The following AK5 variants were observed in gnomAD, a reference collection of about 807,000 sequenced individuals.
AK5 encodes the protein adenylate kinase 5, also known as adenylate kinase isoenzyme 5.
Under a neutral mutation model 69.5 loss-of-function variants are expected in AK5, and 27 were observed. The ratio of observed to expected loss-of-function variants is 0.39; its 90% CI spans 0.29 to 0.54. The LOEUF (loss-of-function observed/expected upper bound fraction) is 0.54. Among genes scored for constraint, AK5 ranks in the 20% least tolerant of loss-of-function variants. AK5 has a pLI of 0.71. For synonymous variants in AK5, 260 were observed against 244.4 expected, an observed-to-expected ratio of 1.06 and a Z score of -0.60; for missense variants, 531 against 700.4, an observed-to-expected ratio of 0.76 and a Z score of 2.73.
intron 8 of AK5, among the ~76,000 whole-genome samples, chr1:77,441,842 G>A (rs1652347573): frequency 6.6e-6 from 1 of 152,078 alleles, no homozygotes; most frequent in African/African-American, 2.4e-5. Context: ...CAAACCTATT[G>A]TGACACTTGG....
At chr1:77,314,825 T>G (rs1020455188) in intron 5 of AK5, 1 of 152,148 alleles carries the variant, frequency 6.6e-6, no homozygotes, top group African/African-American at 2.4e-5. Context: ...CGAACACCTG[T>G]AAGGTCCATA....
At chr1:77,557,946 CCA>C (rs539667276) in intron 13 of AK5, among the ~76,000 whole-genome samples, 402 of 150,730 alleles carry the variant, frequency 2.7e-3, no homozygotes, top group Non-Finnish European at 4.4e-3. Context: ...AAACCTGCCT[CCA>C]GTTTTGACTT....
chr1:77,331,148 A>G (rs1661066895), intron 5 of AK5, among the ~76,000 whole-genome samples: 1 of 152,072 alleles, frequency 6.6e-6, no homozygotes, highest in Non-Finnish European at 1.5e-5. Flanking sequence ...TATATATACA[A>G]TCATATCATA....
intron 7 of AK5, among the ~76,000 whole-genome samples, chr1:77,415,307 G>A (rs566159744): frequency 7.2e-5 from 11 of 152,184 alleles, no homozygotes; most frequent in African/African-American, 1.9e-4. Context: ...TGAAAACAAC[G>A]GAAAGAACAC....
intron 5 of AK5, chr1:77,313,738 A>G (rs1660087171): frequency 4.1e-6 from 2 of 488,944 alleles, no homozygotes; most frequent in Middle Eastern, 3.2e-4. Flanking sequence ...CTGTGGTACC[A>G]TGGCAGCTGC....
chr1:77,364,704 A>T (rs755504869), intron 6 of AK5, among the ~76,000 whole-genome samples: 1 of 152,138 alleles, frequency 6.6e-6, no homozygotes, highest in Non-Finnish European at 1.5e-5. Flanking sequence ...ACAGGATTTC[A>T]TTATTTTTTG....
intron 6 of AK5, among the ~76,000 whole-genome samples, chr1:77,351,021 C>G (rs972155558): frequency 6.6e-6 from 1 of 152,158 alleles, no homozygotes; most frequent in African/African-American, 2.4e-5. Flanking sequence ...CATCTTGCAG[C>G]AGTGAGGACA....
Position 77,322,103 on chromosome 1 carries a change from A to G in AK5, c.700-18274A>G, listed in dbSNP as rs184136276. 2.0e-5 allele frequency among the ~76,000 whole-genome samples: 3 copies of G among 152,326 alleles called. No individual in the cohort carries two copies. In the East Asian group the frequency reaches 5.8e-4, roughly 29 times the overall value. ...AGAAGAATAATATCTTTATTTTTAA[A>G]ATAGCATTGTTTGAATACATAGTCA... On this transcript the variant is annotated intron_variant, in intron 5 of 13. Transcript: ENST00000354567.
chr1:77,351,849 C>A (rs1662225437), intron 6 of AK5, among the ~76,000 whole-genome samples: 1 of 151,892 alleles, frequency 6.6e-6, no homozygotes, highest in Non-Finnish European at 1.5e-5. Context: ...GTGAGCCAAC[C>A]TACAATAACC....
chr1:77,558,831 G>C lies in AK5; in HGVS notation c.*161G>C. 1.6e-6 allele frequency: 1 copy of C among 610,402 alleles called. No individual in the cohort carries two copies. Among genetic ancestry groups the C allele is most frequent in the Non-Finnish European group, 3.0e-6 (1 of 333,430 alleles). 37.8% of individuals were successfully genotyped at this position (610,402 alleles called of 1,614,324 possible). On this transcript the variant is annotated 3_prime_UTR_variant, in exon 14 of 14. Coordinates refer to ENST00000354567, the MANE Select transcript of AK5 (RefSeq NM_174858.3). ...TTGCTTCCCAGCTAGACCTGTGTGA[G>C]AGGTGTCTGGAAATCATGCATGGTG...
chr1:77,333,786 G>C (rs2100361046), intron 5 of AK5, among the ~76,000 whole-genome samples: 1 of 152,282 alleles, frequency 6.6e-6, no homozygotes, highest in East Asian at 1.9e-4. Flanking sequence ...TTTACAGAAA[G>C]AGTTTACCCA....
Position 77,417,661 on chromosome 1 carries a change from G to C in AK5, c.1005G>C (p.Ser335=). 3.7e-6 allele frequency: 6 copies of C among 1,609,300 alleles called. No individual in the cohort carries two copies. Among genetic ancestry groups the C allele is most frequent in the Non-Finnish European group, 5.1e-6 (6 of 1,176,622 alleles). ...AAAGSSDLDP[S]MILDTGEIID... The stretch of plus-strand genomic sequence containing the variant: ...TAGGTTCAAGTGACCTTGATCCTTC[G>C]ATGATATTGGACACTGGAGAGATCA... The change falls in exon 8 of 14, where the codon TCG becomes TCC. Residue 335 remains serine, a synonymous_variant. Transcript: ENST00000354567.
chr1:77,349,830 G>C (rs993647022), intron 6 of AK5, among the ~76,000 whole-genome samples: 13 of 152,022 alleles, frequency 8.6e-5, no homozygotes, highest in African/African-American at 3.1e-4. Context: ...CCTACAAATC[G>C]AACGTAAAAC....
chr1:77,423,160 A>C (rs189915590), intron 8 of AK5, among the ~76,000 whole-genome samples: 1 of 147,106 alleles, frequency 6.8e-6, no homozygotes, highest in African/African-American at 2.5e-5. Context: ...GGTGGAGCTT[A>C]CAGTGGGCCA....
At chr1:77,490,709 G>A (rs1350647713) in intron 10 of AK5, among the ~76,000 whole-genome samples, 1 of 151,406 alleles carries the variant, frequency 6.6e-6, no homozygotes, top group Non-Finnish European at 1.5e-5. Flanking sequence ...GCCTTTAAAG[G>A]GCCTCATTAT....
In AK5 at chr1:77,297,485, TGAA is replaced by T. The variant is rs1050146231; in HGVS notation, c.416-72_416-70del. On this transcript the variant is annotated intron_variant, in intron 3 of 13. Coordinates refer to ENST00000354567, the MANE Select transcript of AK5 (RefSeq NM_174858.3). ...GGTGACACAGAATTTGCATCCCAGATGAAGTAGTAGTTGTATAAAAGGGAGGTC... is the reference window on the plus strand; with the variant it reads ...GGTGACACAGAATTTGCATCCCAGATGTAGTAGTTGTATAAAAGGGAGGTC... The T allele has an allele frequency of 5.8e-6, 8 of 1,371,934 alleles. No individual in the cohort carries two copies. The African/African-American group carries it at 1.2e-4, about 20-fold the overall frequency. 85.0% of individuals were successfully genotyped at this position (1,371,934 alleles called of 1,614,324 possible).
intron 6 of AK5, among the ~76,000 whole-genome samples, chr1:77,358,018 T>TGTGTGTGTGTGTGTGAGAGAGAGA (rs762714026): frequency 7.0e-5 from 9 of 128,176 alleles, no homozygotes; most frequent in South Asian, 5.7e-4. Context: ...TGTGTGTGTG[T>TGTGTGTGTGTGTGTGAGAGAGAGA]GAGAGAGAGA....
chr1:77,340,673 T>G, intron 6 of AK5, 105 bp downstream of exon 6: 1 of 1,041,426 alleles, frequency 9.6e-7, no homozygotes, highest in Non-Finnish European at 1.4e-6. Context: ...AAAAGTGGCT[T>G]TTGGGGGGTA....
intron 8 of AK5, among the ~76,000 whole-genome samples, chr1:77,457,413 CTCTACCTAAATTTTCTCTCATTT>C (rs1193558118): frequency 2.6e-5 from 4 of 152,164 alleles, no homozygotes; most frequent in Non-Finnish European, 4.4e-5. Context: ...TTCTCTCCTT[CTCTACCTAAATTTTCTCTCATTT>C]TCTACCTAAA....
Sources: allele counts gnomAD v4.1 joint callset (sites outside exome capture counted in the v4.1 genomes callset), GRCh38; gene constraint gnomAD v4.1.1; transcripts MANE v1.5; gene names NCBI Gene and HGNC (gene_info 2026-07-23, HGNC 2026-07-21).